ELP4: variants seen among roughly 807,000 people sequenced by gnomAD.
ELP4 encodes elongator complex protein 4.
In ELP4, 51 loss-of-function variants were observed where a neutral mutation model predicts 48.9. The observed-to-expected ratio is 1.04, with a 90% confidence interval of 0.83 to 1.32. ELP4 has a LOEUF of 1.32. Among genes scored for constraint, ELP4 ranks in the 40% most tolerant of loss-of-function variants. ELP4 has a pLI of 0.00. For synonymous variants in ELP4, 210 were observed against 189.2 expected, an observed-to-expected ratio of 1.11 and a Z score of -0.90; for missense variants, 519 against 514.6, an observed-to-expected ratio of 1.01 and a Z score of -0.08.
chr11:31,718,639 G>A (rs1468833907), intron 9 of ELP4, among the ~76,000 whole-genome samples: 1 of 152,178 alleles, frequency 6.6e-6, no homozygotes, highest in East Asian at 1.9e-4. Context: ...CTCAACTGGA[G>A]CTGTCTTCCG....
chr11:31,738,622 G>A (rs1947374989), intron 9 of ELP4, among the ~76,000 whole-genome samples: 1 of 151,938 alleles, frequency 6.6e-6, no homozygotes, highest in Admixed American at 6.6e-5. Flanking sequence ...TATAGTCTCA[G>A]CGCCGGGGGA....
At chr11:31,674,682 A>G (rs890459084) in intron 9 of ELP4, among the ~76,000 whole-genome samples, 3 of 152,236 alleles carry the variant, frequency 2.0e-5, no homozygotes, top group African/African-American at 7.2e-5. Context: ...TTGGAAGTAA[A>G]TGGAGATAAA....
intron 9 of ELP4, among the ~76,000 whole-genome samples, chr11:31,750,799 T>C (rs1478779045): frequency 6.6e-6 from 1 of 152,198 alleles, no homozygotes; most frequent in Non-Finnish European, 1.5e-5. Context: ...TTCAGGCTTT[T>C]GTTGTTATTC....
At chr11:31,779,799 A>G (rs1413969606) in intron 9 of ELP4, 1 of 152,276 alleles carries the variant, frequency 6.6e-6, no homozygotes, top group Non-Finnish European at 1.5e-5. Context: ...CCGTTTGCCT[A>G]CACAGAAATC....
At chr11:31,551,039 T>C (rs1956841655) in intron 3 of ELP4, among the ~76,000 whole-genome samples, 1 of 152,192 alleles carries the variant, frequency 6.6e-6, no homozygotes, top group Non-Finnish European at 1.5e-5. Context: ...AGGATTATGA[T>C]CGCACTTGTT....
At chr11:31,716,078 A>T (rs1016270533) in intron 9 of ELP4, among the ~76,000 whole-genome samples, 3 of 152,102 alleles carry the variant, frequency 2.0e-5, no homozygotes, top group Non-Finnish European at 4.4e-5. Context: ...CAGTGGCATG[A>T]TCGTAGCTCA....
Position 31,786,133 on chromosome 11 carries a change from C to A in ELP4, c.*2609C>A, listed in dbSNP as rs1948603485. The A allele has an allele frequency of 4.9e-6, 1 of 202,492 alleles. No individual in the cohort carries two copies. The highest frequency in any genetic ancestry group is 1.0e-5 in the Non-Finnish European group (1 of 98,546). The allele number at this position is 202,492 out of a possible 1,614,324, so 12.5% of individuals were successfully genotyped here. A position where few individuals can be genotyped will look rare whatever the true frequency, so the allele number is the denominator to read the frequency against. On this transcript the variant is annotated 3_prime_UTR_variant, in exon 10 of 10. Coordinates refer to ENST00000640961, the MANE Select transcript of ELP4 (RefSeq NM_019040.5). ...CTCTTCCATTTATTCCTTATGTCCA[C>A]CTCCAGGATCTTTAAATACTAACAG... is the stretch of plus-strand genomic sequence containing the variant.
chr11:31,741,010 C>T (rs556963355), intron 9 of ELP4, among the ~76,000 whole-genome samples: 19 of 152,240 alleles, frequency 1.2e-4, no homozygotes, highest in South Asian at 2.1e-4. Flanking sequence ...CGGTGACAGA[C>T]GGCACCTGGA....
intron 9 of ELP4, among the ~76,000 whole-genome samples, chr11:31,749,393 A>G (rs1184434893): frequency 6.6e-6 from 1 of 152,242 alleles, no homozygotes; most frequent in African/African-American, 2.4e-5. Flanking sequence ...GAGAGTACGG[A>G]AAAACTGATT....
intron 1 of ELP4, among the ~76,000 whole-genome samples, chr11:31,518,886 ACT>A (rs1341541729): frequency 7.8e-6 from 1 of 128,612 alleles, no homozygotes; most frequent in African/African-American, 3.3e-5. Context: ...ACAGAGTGAG[ACT>A]CTGTCTCAAA....
intron 9 of ELP4, among the ~76,000 whole-genome samples, chr11:31,674,010 T>C (rs1945864618): frequency 6.6e-6 from 1 of 152,202 alleles, no homozygotes; most frequent in South Asian, 2.1e-4. Context: ...AACTGGTTAT[T>C]TAAGATTGCC....
intron 3 of ELP4, among the ~76,000 whole-genome samples, chr11:31,581,972 T>A (rs1230041948): frequency 1.3e-5 from 2 of 152,176 alleles, no homozygotes; most frequent in East Asian, 3.9e-4. Flanking sequence ...CAGGCTGGTC[T>A]TAAATTTCTG....
At chr11:31,672,566 C>T (rs1256610192) in intron 9 of ELP4, among the ~76,000 whole-genome samples, 2 of 152,120 alleles carry the variant, frequency 1.3e-5, no homozygotes, top group Non-Finnish European at 2.9e-5. Context: ...AAGGCGTGGG[C>T]GGATGACTTG....
At chr11:31,671,472 A>G (rs1222256881) in intron 9 of ELP4, among the ~76,000 whole-genome samples, 1 of 152,258 alleles carries the variant, frequency 6.6e-6, no homozygotes, top group Non-Finnish European at 1.5e-5. Flanking sequence ...AGTAAACATC[A>G]TGCATTACAC....
intron 4 of ELP4, among the ~76,000 whole-genome samples, chr11:31,598,503 C>CTT (rs10702222): frequency 0.24 from 18,776 of 77,758 alleles, 3,366 homozygotes; most frequent in Middle Eastern, 0.3. Context: ...TTTTCTTCTT[C>CTT]TTTTTTTTTT....
rs555245516 is a variant in ELP4, at chr11:31,541,237, A to G, written c.381+1454A>G. Among the ~76,000 whole-genome samples the G allele has an allele frequency of 3.9e-5, 6 of 152,364 alleles. No homozygotes were observed. The South Asian group carries it at 1.2e-3, about 32-fold the overall frequency. Reference sequence around the variant, plus strand: ...AAAACTAAAATAATTCGTTCATATGATTCAGACTTTGCTTGTTAAATAATA... The same window carrying G: ...AAAACTAAAATAATTCGTTCATATGGTTCAGACTTTGCTTGTTAAATAATA... On this transcript the variant is annotated intron_variant, in intron 3 of 9. Coordinates refer to ENST00000640961, the MANE Select transcript of ELP4 (RefSeq NM_019040.5).
At chr11:31,759,995 T>C (rs995528320) in intron 9 of ELP4, among the ~76,000 whole-genome samples, 2 of 152,178 alleles carry the variant, frequency 1.3e-5, no homozygotes, top group East Asian at 3.9e-4. Context: ...TGAGCCACTA[T>C]GGTCGGTCAG....
intron 9 of ELP4, among the ~76,000 whole-genome samples, chr11:31,745,955 A>G (rs1178150546): frequency 6.6e-6 from 1 of 152,208 alleles, no homozygotes; most frequent in African/African-American, 2.4e-5. Flanking sequence ...TGAACAGGCA[A>G]CCTACAGAAT....
At chr11:31,530,411 G>T (rs553004087) in intron 2 of ELP4, among the ~76,000 whole-genome samples, 2 of 152,222 alleles carry the variant, frequency 1.3e-5, no homozygotes, top group Admixed American at 1.3e-4. Flanking sequence ...AAAGAAACAG[G>T]AGAAAAGTTA....
Sources: allele counts gnomAD v4.1 joint callset (sites outside exome capture counted in the v4.1 genomes callset), GRCh38; gene constraint gnomAD v4.1.1; transcripts MANE v1.5; gene names NCBI Gene and HGNC (gene_info 2026-07-23, HGNC 2026-07-21).